The following PDE4D variants were observed in gnomAD, a reference collection of about 807,000 sequenced individuals.
PDE4D encodes 3',5'-cyclic-AMP phosphodiesterase 4D.
In PDE4D, 24 loss-of-function variants were observed where a neutral mutation model predicts 87.4. The ratio of observed to expected loss-of-function variants is 0.27; its 90% CI spans 0.20 to 0.39. The LOEUF (loss-of-function observed/expected upper bound fraction) is 0.39. Ranked by LOEUF, PDE4D falls within the 10% of genes least tolerant of loss-of-function variation. PDE4D has a pLI of 1.00. For missense variants in PDE4D, 714 were observed against 1,041.0 expected (o/e 0.69, Z 4.32); for synonymous variants, 384 against 383.2 (o/e 1.00, Z -0.02).
chr5:60,073,490 G>T (rs1313707423), intron 2 of PDE4D, among the ~76,000 whole-genome samples: 2 of 126,966 alleles, frequency 1.6e-5, no homozygotes, highest in Non-Finnish European at 3.4e-5. Flanking sequence ...TGTTTGCCAG[G>T]TGTTTTTTTT....
intron 1 of PDE4D, among the ~76,000 whole-genome samples, chr5:59,861,487 T>C (rs543689757): frequency 9.9e-5 from 15 of 152,260 alleles, no homozygotes; most frequent in Admixed American, 3.3e-4. Context: ...CCCCCCAAAC[T>C]ACCAGTTCAG....
intron 5 of PDE4D, among the ~76,000 whole-genome samples, chr5:59,065,210 C>G (rs1324837910): frequency 1.3e-5 from 2 of 151,694 alleles, no homozygotes; most frequent in African/African-American, 4.8e-5. Flanking sequence ...GGACATCATG[C>G]TAAGTGGAAT....
intron 3 of PDE4D, among the ~76,000 whole-genome samples, chr5:59,935,543 C>T (rs187965484): frequency 6.6e-6 from 1 of 152,246 alleles, no homozygotes. Context: ...TCAATTCTTG[C>T]AAAGTTGGCT....
chr5:59,564,054 G>T (rs992166532), intron 1 of PDE4D, among the ~76,000 whole-genome samples: 4 of 152,164 alleles, frequency 2.6e-5, no homozygotes, highest in Admixed American at 6.6e-5. Flanking sequence ...GAGGGGCTTG[G>T]GTTCAAATCC....
chr5:59,342,340 A>C (rs1404618944), intron 1 of PDE4D, among the ~76,000 whole-genome samples: 2 of 152,092 alleles, frequency 1.3e-5, no homozygotes, highest in Non-Finnish European at 2.9e-5. Context: ...AATGCACAAC[A>C]CATGGTGCCT....
chr5:59,136,698 C>A (rs538007119), intron 5 of PDE4D, among the ~76,000 whole-genome samples: 1 of 152,056 alleles, frequency 6.6e-6, no homozygotes, highest in African/African-American at 2.4e-5. Flanking sequence ...ACTTTACTCC[C>A]GACAGTCATG....
intron 2 of PDE4D, among the ~76,000 whole-genome samples, chr5:59,205,215 C>T (rs1410092605): frequency 6.6e-5 from 10 of 151,858 alleles, no homozygotes; most frequent in Non-Finnish European, 7.4e-5. Flanking sequence ...TTTTTTTAAA[C>T]TATACGTATT....
chr5:60,311,756 A>G (rs1027105920), intron 1 of PDE4D, among the ~76,000 whole-genome samples: 1 of 152,254 alleles, frequency 6.6e-6, no homozygotes, highest in African/African-American at 2.4e-5. Flanking sequence ...GTCCCAATTA[A>G]AAGACACAGA....
At chr5:60,004,835 C>T (rs887452780) in intron 2 of PDE4D, among the ~76,000 whole-genome samples, 3 of 152,082 alleles carry the variant, frequency 2.0e-5, no homozygotes, top group Admixed American at 6.6e-5. Context: ...GAATTGGGAA[C>T]GCTTGTAGCA....
intron 1 of PDE4D, among the ~76,000 whole-genome samples, chr5:60,365,982 T>C (rs1390224850): frequency 6.7e-6 from 1 of 149,964 alleles, no homozygotes; most frequent in Non-Finnish European, 1.5e-5. Context: ...AGGCAGAGGT[T>C]GCAGTGAGCC....
chr5:59,188,969 G>A (rs1464075193), intron 3 of PDE4D, among the ~76,000 whole-genome samples: 1 of 152,136 alleles, frequency 6.6e-6, no homozygotes, highest in South Asian at 2.1e-4. Flanking sequence ...CTGAAACGAG[G>A]TGACTATCTT....
intron 1 of PDE4D, among the ~76,000 whole-genome samples, chr5:59,817,932 G>T (rs1415464971): frequency 6.6e-6 from 1 of 152,174 alleles, no homozygotes; most frequent in African/African-American, 2.4e-5. Context: ...GTTTTGCTTT[G>T]TAGCCTTGCT....
intron 1 of PDE4D, among the ~76,000 whole-genome samples, chr5:60,255,320 G>A (rs1444289156): frequency 1.3e-5 from 2 of 151,860 alleles, no homozygotes; most frequent in Non-Finnish European, 2.9e-5. Flanking sequence ...AGAGTTCAGG[G>A]TTTAACCAGA....
chr5:60,368,739 G>A (rs1760766313), intron 1 of PDE4D, among the ~76,000 whole-genome samples: 1 of 152,072 alleles, frequency 6.6e-6, no homozygotes, highest in Non-Finnish European at 1.5e-5. Context: ...AGACTTCTCA[G>A]AAGACTTGGT....
rs60742332 is a variant in PDE4D at position 59,315,861 on chromosome 5, C to T, written c.456-99893G>A. On this transcript the variant is annotated intron_variant, in intron 1 of 14. Transcript: ENST00000340635. ...TACTGGCAAGTCACTGAGCACGCGG[C>T]GATTAGCCAACAGCTGGCCCAAAAG... Among the ~76,000 whole-genome samples the T allele has an allele frequency of 1.7e-3, 254 of 152,122 alleles. 1 individual carries two copies. Among genetic ancestry groups the T allele is most frequent in the African/African-American group, 5.6e-3 (231 of 41,482 alleles).
At chr5:59,338,690 G>A (rs1180600354) in intron 1 of PDE4D, among the ~76,000 whole-genome samples, 1 of 152,206 alleles carries the variant, frequency 6.6e-6, no homozygotes, top group Non-Finnish European at 1.5e-5. Flanking sequence ...TAGGGCACTA[G>A]CAGAACTCAA....
intron 1 of PDE4D, among the ~76,000 whole-genome samples, chr5:59,607,482 C>T (rs1328409655): frequency 6.6e-6 from 1 of 152,076 alleles, no homozygotes; most frequent in Non-Finnish European, 1.5e-5. Context: ...TTGCTATTAA[C>T]TTGCTCTGGG....
At position 59,321,296 on chromosome 5, in the gene PDE4D, C is replaced by T. The variant is rs79239890; in HGVS notation, c.456-105328G>A. ...CTTGGAACCTGGCATTGAACAGGGCCTTCCTCCTATAATGTGTAATGATAA... is the reference window on the plus strand; with the variant it reads ...CTTGGAACCTGGCATTGAACAGGGCTTTCCTCCTATAATGTGTAATGATAA... On this transcript the variant is annotated intron_variant, in intron 1 of 14. Coordinates refer to ENST00000340635, the MANE Select transcript of PDE4D (RefSeq NM_001104631.2). 7.9e-3 allele frequency among the ~76,000 whole-genome samples: 1,197 copies of T among 152,138 alleles called. 10 individuals carry two copies. The highest frequency in any genetic ancestry group is 0.065 in the Middle Eastern group (19 of 294).
chr5:59,555,520 T>C (rs1818753179), intron 1 of PDE4D, among the ~76,000 whole-genome samples: 1 of 152,042 alleles, frequency 6.6e-6, no homozygotes, highest in Non-Finnish European at 1.5e-5. Context: ...TTTTTTAAAA[T>C]AAGATGAAAT....
Sources: allele counts gnomAD v4.1 joint callset (sites outside exome capture counted in the v4.1 genomes callset), GRCh38; gene constraint gnomAD v4.1.1; transcripts MANE v1.5; gene names NCBI Gene and HGNC (gene_info 2026-07-23, HGNC 2026-07-21).